Variants in ARNT observed in about 807,000 individuals in gnomAD.
ARNT encodes class E basic helix-loop-helix protein 2.
In ARNT, 30 loss-of-function variants were observed where a neutral mutation model predicts 105.0. That is an observed-to-expected ratio of 0.29 (90% confidence interval 0.21 to 0.39). The LOEUF (loss-of-function observed/expected upper bound fraction) is 0.39, where lower values mean the gene tolerates loss of function less well. Ranked by LOEUF, ARNT falls within the 10% of genes least tolerant of loss-of-function variation. ARNT has a pLI of 1.00. For synonymous variants in ARNT, 304 were observed against 344.0 expected, an observed-to-expected ratio of 0.88 and a Z score of 1.29; for missense variants, 748 against 978.7, an observed-to-expected ratio of 0.76 and a Z score of 3.15.
chr1:150,862,872 G>A (rs1413288517), intron 1 of ARNT, among the ~76,000 whole-genome samples: 1 of 151,688 alleles, frequency 6.6e-6, no homozygotes, highest in African/African-American at 2.4e-5. Flanking sequence ...CCAATATGGT[G>A]AAACTCCGTG....
At chr1:150,821,850 T>C (rs992735688) in intron 14 of ARNT, among the ~76,000 whole-genome samples, 4 of 130,906 alleles carry the variant, frequency 3.1e-5, no homozygotes, top group East Asian at 2.2e-4. Context: ...TTTTTTTTTT[T>C]CAGTAGAGAC....
At chr1:150,842,284 A>G in intron 5 of ARNT, 140 bp downstream of exon 5, 2 of 1,349,398 alleles carry the variant, frequency 1.5e-6, no homozygotes, top group Non-Finnish European at 1.9e-6. Flanking sequence ...GTTACACTCA[A>G]ACTTCTAAAA....
intron 19 of ARNT, among the ~76,000 whole-genome samples, chr1:150,815,441 C>G (rs374650042): frequency 6.7e-6 from 1 of 150,368 alleles, no homozygotes; most frequent in South Asian, 2.1e-4. Context: ...CCCAGCTACT[C>G]GGGAGGCTGA....
chr1:150,817,813 C>CAAAAA, intron 15 of ARNT, 107 bp downstream of exon 15: 16 of 685,092 alleles, frequency 2.3e-5, no homozygotes, highest in South Asian at 9.1e-5. Flanking sequence ...AACTCCTTCT[C>CAAAAA]AAAAAAAAAA....
At chr1:150,852,042 C>CAA (rs201248419) in intron 3 of ARNT, among the ~76,000 whole-genome samples, 10 of 95,038 alleles carry the variant, frequency 1.1e-4, no homozygotes, top group South Asian at 4.4e-4. Context: ...GACTCCGTCT[C>CAA]AAAAAAAAAA....
At position 150,836,156 on chromosome 1, in the gene ARNT, A is replaced by G. The variant is rs1387351376; in HGVS notation, c.700+124T>C. On this transcript the variant is annotated intron_variant, in intron 7 of 21. Transcript: ENST00000358595. ...AAAAAGAACTGACTATATTCATTAA[A>G]GTAGAAAATTCTTGAAGCCTTGCCA... 3 of 824,386 alleles carry G rather than the reference A, an allele frequency of 3.6e-6. No homozygotes were observed. The African/African-American group carries it at 5.2e-5, about 14-fold the overall frequency. 51.1% of individuals were successfully genotyped at this position (824,386 alleles called of 1,614,324 possible). A position where few individuals can be genotyped will look rare whatever the true frequency, so the allele number is the denominator to read the frequency against.
chr1:150,849,817 C>A (rs918163943), intron 3 of ARNT, among the ~76,000 whole-genome samples: 2 of 152,224 alleles, frequency 1.3e-5, no homozygotes, highest in South Asian at 2.1e-4. Flanking sequence ...ATAACCCCAG[C>A]CCTTTGGGAA....
chr1:150,829,267 T>C lies in ARNT; in HGVS notation c.1033-40A>G, dbSNP rs1658878713. ...ATAAAAATGAGGTAAAATGATACCA[T>C]TATTTACAGATGTATTTCCTATCTC... is the stretch of plus-strand genomic sequence containing the variant. On this transcript the variant is annotated intron_variant, in intron 11 of 21. Coordinates refer to ENST00000358595, the MANE Select transcript of ARNT (RefSeq NM_001668.4). The C allele has an allele frequency of 2.5e-6, 4 of 1,592,046 alleles. No homozygotes were observed. In the African/African-American group the frequency reaches 4.0e-5, roughly 16 times the overall value.
intron 21 of ARNT, among the ~76,000 whole-genome samples, 200 bp downstream of exon 21, chr1:150,812,972 T>C (rs1044380944): frequency 6.6e-6 from 1 of 152,160 alleles, no homozygotes; most frequent in African/African-American, 2.4e-5. Flanking sequence ...GCTGACATCA[T>C]ATACACAAGC....
intron 9 of ARNT, 22 bp from the exon 10 acceptor site, chr1:150,831,925 G>GAAAAAA: frequency 9.0e-7 from 1 of 1,114,606 alleles, no homozygotes; most frequent in Non-Finnish European, 1.3e-6. Flanking sequence ...ACAGGAGTTT[G>GAAAAAA]AAAAAAAAAA....
Position 150,811,959 on chromosome 1 carries a change from T to A in ARNT, c.*62A>T. On this transcript the variant is annotated 3_prime_UTR_variant, in exon 22 of 22. Transcript: ENST00000358595. ...ACTTTTATTCTGTTTACAGAAAGAT[T>A]TGCTTTTTAAAAACAAACAGTGATT... 2 of 1,278,828 alleles carry A rather than the reference T, an allele frequency of 1.6e-6. No individual in the cohort carries two copies. Among genetic ancestry groups the A allele is most frequent in the Admixed American group, 5.2e-5 (2 of 38,468 alleles). The allele number at this position is 1,278,828 out of a possible 1,614,324, so 79.2% of individuals were successfully genotyped here.
At position 150,814,145 on chromosome 1, in the gene ARNT, G is replaced by A. The variant is rs1379265123; in HGVS notation, c.2045C>T (p.Pro682Leu). The A allele has an allele frequency of 6.2e-7, 1 of 1,614,218 alleles. No individual in the cohort carries two copies. Among genetic ancestry groups the A allele is most frequent in the Non-Finnish European group, 8.5e-7 (1 of 1,180,036 alleles). The change falls in exon 20 of 22, where the codon CCT becomes CTT. Residue 682 changes from proline to leucine, a missense_variant. Pro to Leu is a moderately conservative substitution (Grantham distance 98). Around this residue, in one of 4 missense-constraint regions of ARNT, gnomAD observed 360 missense variants for 411.9 expected, o/e 0.87. Coordinates refer to ENST00000358595, the MANE Select transcript of ARNT (RefSeq NM_001668.4). ...ACCAGGCGATGCAGTTGGGGCACCA[G>A]GGAGGGACATGGAGCTGAAGGAGGA... ...TPSSFSSMSL[P>L]GAPTASPGAA...
At chr1:150,841,846 G>A (rs2101985927) in intron 5 of ARNT, among the ~76,000 whole-genome samples, 1 of 152,278 alleles carries the variant, frequency 6.6e-6, no homozygotes, top group African/African-American at 2.4e-5. Flanking sequence ...TGACACGTAA[G>A]TACAGAAACC....
chr1:150,813,988 C>T, intron 20 of ARNT, 89 bp downstream of exon 20: 1 of 1,505,090 alleles, frequency 6.6e-7, no homozygotes, highest in Non-Finnish European at 9.1e-7. Context: ...GTCAGTGTAC[C>T]CACAACACAG....
chr1:150,831,868 T>G lies in ARNT; in HGVS notation c.905A>C (p.His302Pro), dbSNP rs1336033375. 1 of 1,594,960 alleles carries G rather than the reference T, an allele frequency of 6.3e-7. No homozygotes were observed. Among genetic ancestry groups the G allele is most frequent in the Non-Finnish European group, 8.5e-7 (1 of 1,175,486 alleles). ...GLGSVKDGEPHFVVVHCTGYI... is the reference protein window; with the variant it reads ...GLGSVKDGEPPFVVVHCTGYI... ...GCCTGTGCAGTGGACCACCACGAAGTGAGGTTCCCCATCCTTTACAGAGCC... is the reference window on the plus strand; with the variant it reads ...GCCTGTGCAGTGGACCACCACGAAGGGAGGTTCCCCATCCTTTACAGAGCC... Residue 302 changes from histidine to proline, a missense_variant, in exon 10 of 22, where the codon CAC becomes CCC. Physicochemically the swap from His to Pro is moderately conservative, Grantham distance 77 (BLOSUM62 -2). Coordinates refer to ENST00000358595, the MANE Select transcript of ARNT (RefSeq NM_001668.4).
chr1:150,823,308 A>C lies in ARNT; in HGVS notation c.1280T>G (p.Phe427Cys). ...KLKGQVLSVMFRFRSKNQEWL... is the reference protein window; with the variant it reads ...KLKGQVLSVMCRFRSKNQEWL... ...TTCTTGGTTCTTAGACCGGAACCGG[A>C]ACATGACAGACAGCACTTGGCCTTT... The change falls in exon 14 of 22, where the codon TTC becomes TGC. Residue 427 changes from phenylalanine (F) to cysteine (C), a missense_variant. Physicochemically the swap from Phe to Cys is radical, Grantham distance 205 (BLOSUM62 -2). Transcript: ENST00000358595. The C allele has an allele frequency of 6.2e-7, 1 of 1,613,676 alleles. No individual in the cohort carries two copies. Among genetic ancestry groups the C allele is most frequent in the South Asian group, 1.1e-5 (1 of 91,050 alleles).
chr1:150,820,634 G>T (rs1656855137), intron 14 of ARNT, among the ~76,000 whole-genome samples: 1 of 152,070 alleles, frequency 6.6e-6, no homozygotes, highest in East Asian at 1.9e-4. Flanking sequence ...TCCAGCCTGG[G>T]TGCCAGAGCG....
Position 150,811,611 on chromosome 1 carries a change from G to A in ARNT, c.*410C>T, listed in dbSNP as rs1178460849. On this transcript the variant is annotated 3_prime_UTR_variant, in exon 22 of 22. Transcript: ENST00000358595. ...ACAATGTTTCATGGTCCTCAAATAT[G>A]AGGACATTTCTCCTCTCCTCCACTC... 2 of 234,164 alleles carry A rather than the reference G, an allele frequency of 8.5e-6. No individual in the cohort carries two copies. The highest frequency in any genetic ancestry group is 1.7e-5 in the Non-Finnish European group (2 of 118,676). 14.5% of individuals were successfully genotyped at this position (234,164 alleles called of 1,614,324 possible).
rs1016127258 is a variant in ARNT at position 150,809,988 on chromosome 1, G to A, written c.*2033C>T. ...TAAAGACACAATGTGCCTTATGTTT[G>A]TATGTCTGGAGCTTAAACTATAGAT... On this transcript the variant is annotated 3_prime_UTR_variant, in exon 22 of 22. Transcript: ENST00000358595. 7 of 227,540 alleles carry A rather than the reference G, an allele frequency of 3.1e-5. No homozygotes were observed. The highest frequency in any genetic ancestry group is 6.1e-5 in the Non-Finnish European group (7 of 114,120). The allele number at this position is 227,540 out of a possible 1,614,324, so 14.1% of individuals were successfully genotyped here.
Sources: allele counts gnomAD v4.1 joint callset (sites outside exome capture counted in the v4.1 genomes callset), GRCh38; gene constraint gnomAD v4.1.1; regional missense constraint gnomAD v4.1.1; transcripts MANE v1.5; gene names NCBI Gene and HGNC (gene_info 2026-07-23, HGNC 2026-07-21).